The following INSYN2B variants were observed in gnomAD, a reference collection of about 807,000 sequenced individuals.
INSYN2B encodes protein INSYN2B.
INSYN2B carries 16 observed loss-of-function variants against 41.2 expected under a neutral mutation model. That is an observed-to-expected ratio of 0.39 (90% CI 0.26 to 0.59). The LOEUF is 0.59. INSYN2B is among the 20% of genes least tolerant of loss of function. The pLI is 0.57. For synonymous variants in INSYN2B, 245 were observed against 244.4 expected (o/e 1.00, Z -0.02); for missense variants, 608 against 646.4 (o/e 0.94, Z 0.64).
At chr5:169,907,003 C>T in intron 1 of INSYN2B, among the ~76,000 whole-genome samples, 1 of 152,182 alleles carries the variant, frequency 6.6e-6, no homozygotes, top group Non-Finnish European at 1.5e-5. Flanking sequence ...GGGACTACAG[C>T]AGTGAACAGA....
chr5:169,881,493 G>C, intron 2 of INSYN2B, 51 bp from the exon 3 acceptor site: 1 of 1,419,952 alleles, frequency 7.0e-7, no homozygotes, highest in Non-Finnish European at 9.7e-7. Flanking sequence ...AGTCACGTGG[G>C]CCACAAACAT....
intron 1 of INSYN2B, among the ~76,000 whole-genome samples, chr5:169,913,470 T>G (rs1774714729): frequency 6.6e-6 from 1 of 152,240 alleles, no homozygotes; most frequent in South Asian, 2.1e-4. Flanking sequence ...AGTAAAGTAC[T>G]GTTTGGTCCT....
chr5:169,864,986 TTAGCTTCTATTACCGC>T (rs1219699392), intron 3 of INSYN2B, among the ~76,000 whole-genome samples: 1 of 152,228 alleles, frequency 6.6e-6, no homozygotes, highest in Non-Finnish European at 1.5e-5. Flanking sequence ...TCCGTATGTG[TTAGCTTCTATTACCGC>T]TATCATCATC....
intron 1 of INSYN2B, among the ~76,000 whole-genome samples, chr5:169,914,478 G>A (rs1206553937): frequency 6.6e-6 from 1 of 152,174 alleles, no homozygotes; most frequent in African/African-American, 2.4e-5. Flanking sequence ...TGGGTGGAGG[G>A]ATTGATTATT....
intron 1 of INSYN2B, among the ~76,000 whole-genome samples, chr5:169,902,696 C>G (rs932342521): frequency 6.6e-6 from 1 of 152,170 alleles, no homozygotes; most frequent in Admixed American, 6.5e-5. Flanking sequence ...ATTTTTTCCT[C>G]AAATCCTTCT....
chr5:169,910,431 T>C (rs143894878), intron 1 of INSYN2B, among the ~76,000 whole-genome samples: 1 of 152,294 alleles, frequency 6.6e-6, no homozygotes, highest in African/African-American at 2.4e-5. Context: ...TTGCTTACTC[T>C]CTTAACTTTT....
At chr5:169,893,774 C>T (rs1773431948) in intron 1 of INSYN2B, among the ~76,000 whole-genome samples, 1 of 152,170 alleles carries the variant, frequency 6.6e-6, no homozygotes, top group Admixed American at 6.5e-5. Context: ...ACAGAGTTGG[C>T]ACAGGCCACT....
rs970688626 is a variant in INSYN2B, at chr5:169,864,340, G to T, written c.1541C>A (p.Ala514Asp). Reference protein sequence around the residue: ...PPPKSPAEPPAPEKQDLRRKT... With the variant: ...PPPKSPAEPPDPEKQDLRRKT... ...CCGCCTTAAGTCCTGCTTTTCCGGG[G>T]CTGGGGGTTCTGCTGGGGACTTTGG... is the stretch of plus-strand genomic sequence containing the variant. The change falls in exon 4 of 4, where the codon GCC (alanine) becomes GAC (aspartate). Residue 514 changes from alanine to aspartate, a missense_variant. By Grantham distance (126) the Ala-to-Asp change is moderately radical (BLOSUM62 -2). Coordinates refer to ENST00000377365, the MANE Select transcript of INSYN2B (RefSeq NM_001129891.3). 1.3e-6 allele frequency: 2 copies of T among 1,551,546 alleles called. No homozygotes were observed. Among genetic ancestry groups the T allele is most frequent in the South Asian group, 1.2e-5 (1 of 84,062 alleles).
chr5:169,918,812 C>G (rs1197798830), intron 1 of INSYN2B, among the ~76,000 whole-genome samples: 3 of 152,140 alleles, frequency 2.0e-5, no homozygotes, highest in African/African-American at 7.2e-5. Flanking sequence ...ACTCGGGAGG[C>G]TGAGGCAGGA....
chr5:169,912,882 T>G (rs1444490735), intron 1 of INSYN2B, among the ~76,000 whole-genome samples: 1 of 152,166 alleles, frequency 6.6e-6, no homozygotes, highest in Non-Finnish European at 1.5e-5. Flanking sequence ...ATTACTTAAT[T>G]AGCATTTATT....
At chr5:169,891,856 G>C (rs1306729588) in intron 1 of INSYN2B, among the ~76,000 whole-genome samples, 1 of 151,956 alleles carries the variant, frequency 6.6e-6, no homozygotes, top group African/African-American at 2.4e-5. Context: ...TTCTCTGAGT[G>C]TGGTGGCAGG....
At chr5:169,975,875 C>T (rs1347348530) in intron 1 of INSYN2B, among the ~76,000 whole-genome samples, 1 of 152,174 alleles carries the variant, frequency 6.6e-6, no homozygotes, top group Non-Finnish European at 1.5e-5. Context: ...AAAACCATGC[C>T]TGGCACATAG....
At chr5:169,963,752 C>A (rs1482118545) in intron 1 of INSYN2B, among the ~76,000 whole-genome samples, 1 of 152,092 alleles carries the variant, frequency 6.6e-6, no homozygotes, top group Non-Finnish European at 1.5e-5. Flanking sequence ...CTCTTCCTTC[C>A]CCCTAGCATC....
intron 1 of INSYN2B, among the ~76,000 whole-genome samples, chr5:169,937,247 C>G (rs910559752): frequency 1.1e-4 from 17 of 152,176 alleles, no homozygotes; most frequent in African/African-American, 3.6e-4. Context: ...GCTTGAAAAG[C>G]CTTCAACATT....
chr5:169,920,567 A>G (rs909047642), intron 1 of INSYN2B, among the ~76,000 whole-genome samples: 1 of 152,146 alleles, frequency 6.6e-6, no homozygotes, highest in Admixed American at 6.5e-5. Flanking sequence ...CACATCACTT[A>G]TTGAATAACT....
intron 1 of INSYN2B, among the ~76,000 whole-genome samples, chr5:169,889,427 T>C (rs1239646576): frequency 6.6e-6 from 1 of 152,240 alleles, no homozygotes. Context: ...CTGATCCCTA[T>C]TGTAGCACTA....
intron 1 of INSYN2B, among the ~76,000 whole-genome samples, chr5:169,966,408 A>G (rs1294637759): frequency 1.3e-5 from 2 of 152,224 alleles, no homozygotes; most frequent in African/African-American, 4.8e-5. Context: ...ATGTGCTGGT[A>G]TGCTTAAGTG....
intron 3 of INSYN2B, among the ~76,000 whole-genome samples, chr5:169,873,860 G>C (rs1191689904): frequency 6.6e-6 from 1 of 152,142 alleles, no homozygotes; most frequent in Non-Finnish European, 1.5e-5. Context: ...CAGCTCTCTG[G>C]AGCCTCTCTC....
chr5:169,884,232 G>A lies in INSYN2B; in HGVS notation c.-334C>T, dbSNP rs1047847917. ...GGTTTATCAAGGGAGGCTGGCACGC[G>A]GTTCTGATCTTGGAAGAAGCTGGCT... On this transcript the variant is annotated 5_prime_UTR_variant, in exon 2 of 4. Coordinates refer to ENST00000377365, the MANE Select transcript of INSYN2B (RefSeq NM_001129891.3). 4.6e-5 allele frequency: 9 copies of A among 195,476 alleles called. 1 individual carries two copies. The highest frequency in any genetic ancestry group is 1.2e-4 in the East Asian group (1 of 8,020). 12.1% of individuals were successfully genotyped at this position (195,476 alleles called of 1,614,324 possible). A position where few individuals can be genotyped will look rare whatever the true frequency, so the allele number is the denominator to read the frequency against.
Sources: allele counts gnomAD v4.1 joint callset (sites outside exome capture counted in the v4.1 genomes callset), GRCh38; gene constraint gnomAD v4.1.1; transcripts MANE v1.5; gene names NCBI Gene and HGNC (gene_info 2026-07-23, HGNC 2026-07-21).